The following COL9A3 variants were observed in gnomAD, a reference collection of about 807,000 sequenced individuals.
The protein encoded by COL9A3 is collagen alpha-3(IX) chain.
Under a neutral mutation model 110.2 loss-of-function variants are expected in COL9A3, and 82 were observed. The observed-to-expected ratio is 0.74, with a 90% confidence interval of 0.62 to 0.89. The LOEUF (loss-of-function observed/expected upper bound fraction) is 0.89. Ranked by LOEUF, COL9A3 falls within the 40% of genes least tolerant of loss-of-function variation. The pLI, the probability that COL9A3 is intolerant of heterozygous loss-of-function variation, is 0.00. For missense variants in COL9A3, 1,066 were observed against 981.3 expected (o/e 1.09, Z -1.15); for synonymous variants, 494 against 403.8 (o/e 1.22, Z -2.68).
intron 6 of COL9A3, 72 bp downstream of exon 6, chr20:62,821,288 G>T: frequency 6.6e-7 from 1 of 1,509,712 alleles, no homozygotes. Flanking sequence ...TAAATGGGGT[G>T]GCCTCCAGGA....
At position 62,841,006 on chromosome 20, in the gene COL9A3, G is replaced by C. The variant is rs912326450; in HGVS notation, c.*274G>C. 1 of 445,502 alleles carries C rather than the reference G, an allele frequency of 2.2e-6. No individual in the cohort carries two copies. Among genetic ancestry groups the C allele is most frequent in the Non-Finnish European group, 4.1e-6 (1 of 244,134 alleles). 27.6% of individuals were successfully genotyped at this position (445,502 alleles called of 1,614,324 possible). A position where few individuals can be genotyped will look rare whatever the true frequency, so the allele number is the denominator to read the frequency against. On this transcript the variant is annotated 3_prime_UTR_variant, in exon 32 of 32. Coordinates refer to ENST00000649368, the MANE Select transcript of COL9A3 (RefSeq NM_001853.4). Reference sequence around the variant, plus strand: ...TATAAAAGGTTGTGTACAACTCCACGAGGTGAAAAATATTCAGTAACTTGT... The same window carrying C: ...TATAAAAGGTTGTGTACAACTCCACCAGGTGAAAAATATTCAGTAACTTGT...
chr20:62,821,895 T>C, intron 8 of COL9A3, 85 bp downstream of exon 8: 1 of 829,460 alleles, frequency 1.2e-6, no homozygotes, highest in East Asian at 2.6e-5. Flanking sequence ...TCCCTTCCCC[T>C]CTCCCTTTTC....
At chr20:62,838,255 C>T (rs113398158) in intron 30 of COL9A3, among the ~76,000 whole-genome samples, 17 of 152,162 alleles carry the variant, frequency 1.1e-4, no homozygotes, top group South Asian at 1.0e-3. Context: ...AGTTCACTTA[C>T]GCAAGCCCGG....
intron 17 of COL9A3, among the ~76,000 whole-genome samples, chr20:62,828,355 C>T (rs1185559680): frequency 8.5e-5 from 13 of 152,236 alleles, no homozygotes; most frequent in South Asian, 2.1e-4. Flanking sequence ...GCCTCTGCCC[C>T]GGAGTAGTGC....
chr20:62,837,944 C>T (rs1429511528), intron 30 of COL9A3, among the ~76,000 whole-genome samples: 1 of 152,172 alleles, frequency 6.6e-6, no homozygotes, highest in East Asian at 1.9e-4. Flanking sequence ...TGGTGAAACC[C>T]CGCCTCTACT....
In COL9A3 at chr20:62,821,781, C is replaced by T. The variant is rs1197624925; in HGVS notation, c.394C>T (p.Pro132Ser). The T allele has an allele frequency of 1.2e-6, 2 of 1,610,662 alleles. No homozygotes were observed. Among genetic ancestry groups the T allele is most frequent in the Non-Finnish European group, 1.7e-6 (2 of 1,178,946 alleles). Residue 132 changes from proline (P) to serine (S), a missense_variant, in exon 8 of 32, where the codon CCA (proline) becomes TCA (serine). By Grantham distance (74) the Pro-to-Ser change is moderately conservative. Transcript: ENST00000649368. ...PPGEAGVSGP[P>S]GGIGLRGPPG... ...GGGAGAGGCAGGAGTGAGCGGCCCC[C>T]CAGGTGGGATCGGCCTCCGCGGCCC... is the stretch of plus-strand genomic sequence containing the variant.
Position 62,837,261 on chromosome 20 carries a change from C to T in COL9A3, c.1782C>T (p.Pro594=), listed in dbSNP as rs552326348. Reference sequence around the variant, plus strand: ...CTGGGGAGCTGGGAGACCCCGGGCCCAGAGGTGAGTGTTTGACCCCATGAC... The same window carrying T: ...CTGGGGAGCTGGGAGACCCCGGGCCTAGAGGTGAGTGTTTGACCCCATGAC... ...GPTGELGDPG[P]RGNQGDRGDK... The change falls in exon 30 of 32, where the codon CCC becomes CCT. Residue 594 remains proline, a synonymous_variant. Transcript: ENST00000649368. The T allele has an allele frequency of 4.2e-5, 67 of 1,609,920 alleles. No homozygotes were observed. The highest frequency in any genetic ancestry group is 4.1e-4 in the South Asian group (37 of 91,080).
intron 17 of COL9A3, among the ~76,000 whole-genome samples, chr20:62,828,493 G>A (rs759288620): frequency 3.9e-5 from 6 of 152,348 alleles, no homozygotes; most frequent in East Asian, 1.9e-4. Flanking sequence ...ACTTCCTTAG[G>A]GCACCATGAT....
At position 62,819,277 on chromosome 20, in the gene COL9A3, G is replaced by A. The variant is rs1215213045; in HGVS notation, c.239G>A (p.Gly80Glu). 2 of 1,611,552 alleles carry A rather than the reference G, an allele frequency of 1.2e-6. No homozygotes were observed. Residue 80 changes from glycine (G) to glutamate (E), a missense_variant, in exon 4 of 32, where the codon GGA becomes GAA. Transcript: ENST00000649368. ...PGKPGEAGLP[G>E]LPGVDGLTGR... is the part of the protein sequence containing the mutation. ...AAACCAGGAGAGGCTGGGCTGCCGG[G>A]ACTGCCGGGTGTGGATGTGAGTGCG...
intron 30 of COL9A3, among the ~76,000 whole-genome samples, chr20:62,838,208 G>A (rs549500036): frequency 8.9e-4 from 136 of 152,310 alleles, no homozygotes; most frequent in African/African-American, 3.0e-3. Context: ...AGGTTCTGAC[G>A]GCTGTGCCAC....
intron 8 of COL9A3, 114 bp from the exon 9 acceptor site, chr20:62,821,997 C>G: frequency 2.4e-6 from 2 of 820,158 alleles, no homozygotes; most frequent in Non-Finnish European, 4.3e-6. Flanking sequence ...CCAGCACAGT[C>G]CGTGGGAGTG....
chr20:62,827,815 GCCGCTGCCCA>G (rs2063565908), intron 16 of COL9A3, 98 bp from the exon 17 acceptor site: 24 of 1,219,172 alleles, frequency 2.0e-5, no homozygotes, highest in Non-Finnish European at 2.8e-5. Context: ...GGTGGCCCCT[GCCGCTGCCCA>G]CCATAGCTCC....
intron 1 of COL9A3, 119 bp from the exon 2 acceptor site, chr20:62,817,447 CT>C (rs1296538551): frequency 2.6e-5 from 19 of 718,266 alleles, no homozygotes; most frequent in Non-Finnish European, 4.1e-5. Flanking sequence ...GGCTTTGGGT[CT>C]CACCGAGGAG....
chr20:62,839,075 A>AT (rs914491980), intron 31 of COL9A3, among the ~76,000 whole-genome samples: 18 of 151,990 alleles, frequency 1.2e-4, no homozygotes, highest in Admixed American at 7.9e-4. Context: ...AAATACAAAA[A>AT]TGAGCCGGGC....
chr20:62,828,953 G>T lies in COL9A3; in HGVS notation c.985G>T (p.Glu329Ter). ...GEAGRNGAPGEKGPNGLPGLP... is the reference protein window; with the variant it reads ...GEAGRNGAPG ...GGCTGGTCGCAACGGTGCTCCGGGA[G>T]AGAAGGGCCCCAACGGGCTGCCGGT... is the stretch of plus-strand genomic sequence containing the variant. The change falls in exon 19 of 32, where the codon GAG becomes TAG. Residue 329 changes from glutamate to a stop codon, truncating the protein, a stop_gained. Transcript: ENST00000649368. LOFTEE classifies it high-confidence loss of function. The T allele has an allele frequency of 1.2e-6, 2 of 1,610,604 alleles. No homozygotes were observed. The highest frequency in any genetic ancestry group is 8.5e-7 in the Non-Finnish European group (1 of 1,179,554).
rs141513691 is a variant in COL9A3 at position 62,825,788 on chromosome 20, C to T, written c.631-29C>T. 560 of 1,550,766 alleles carry T rather than the reference C, an allele frequency of 3.6e-4. 5 individuals are homozygous for T. The African/African-American group carries it at 5.9e-3, about 16-fold the overall frequency. On this transcript the variant is annotated intron_variant, in intron 12 of 31. Transcript: ENST00000649368. Reference sequence around the variant, plus strand: ...AGGTGCAAGGAGAGCCAGACTGGGCCGCTGACCACCCTATCCCCTCTGTTT... The same window carrying T: ...AGGTGCAAGGAGAGCCAGACTGGGCTGCTGACCACCCTATCCCCTCTGTTT...
chr20:62,817,352 C>T, intron 1 of COL9A3: 1 of 504,046 alleles, frequency 2.0e-6, no homozygotes, highest in Non-Finnish European at 3.3e-6. Context: ...GCCGCCGCCT[C>T]CTCTGGGAGC....
rs1311838205 is a variant in COL9A3 at position 62,825,801 on chromosome 20, A to C, written c.631-16A>C. The C allele has an allele frequency of 6.4e-7, 1 of 1,551,996 alleles. No individual in the cohort carries two copies. ...GCCAGACTGGGCCGCTGACCACCCT[A>C]TCCCCTCTGTTTCAGGGTGACCCTG... On this transcript the variant is annotated splice_polypyrimidine_tract_variant and intron_variant, in intron 12 of 31. Transcript: ENST00000649368.
Position 62,837,802 on chromosome 20 carries a change from G to A in COL9A3, c.1786+537G>A, listed in dbSNP as rs140659999. On this transcript the variant is annotated intron_variant, in intron 30 of 31. Transcript: ENST00000649368. ...AGCTTGGGCGACAGAGCGAGACTCC[G>A]TCTCCATAAAAGAAAAAAAAAATGT... 9.6e-3 allele frequency among the ~76,000 whole-genome samples: 1,433 copies of A among 149,348 alleles called. 9 individuals are homozygous for A. The highest frequency in any genetic ancestry group is 0.055 in the Middle Eastern group (14 of 254).
Sources: gnomAD v4.1 joint callset for allele counts (sites outside exome capture counted in the v4.1 genomes callset) on GRCh38, gnomAD v4.1.1 for gene constraint, MANE v1.5 for transcripts, NCBI Gene and HGNC (gene_info 2026-07-23, HGNC 2026-07-21) for gene names.